The following XIRP2 variants were observed in gnomAD, a reference collection of about 807,000 sequenced individuals.
XIRP2 encodes xin actin-binding repeat-containing protein 2.
A neutral mutation model predicts 277.0 loss-of-function variants in XIRP2; 236 were observed. That is an observed-to-expected ratio of 0.85 (90% CI 0.77 to 0.95). XIRP2 has a LOEUF of 0.95. Among genes scored for constraint, XIRP2 ranks in the 40% least tolerant of loss-of-function variants. The pLI is 0.00. For synonymous variants in XIRP2, 1,490 were observed against 1,416.5 expected, an observed-to-expected ratio of 1.05 and a Z score of -1.17; for missense variants, 4,640 against 4,157.5, an observed-to-expected ratio of 1.12 and a Z score of -3.19.
chr2:167,060,520 G>A (rs1248802792), intron 2 of XIRP2, among the ~76,000 whole-genome samples: 1 of 151,946 alleles, frequency 6.6e-6, no homozygotes, highest in Non-Finnish European at 1.5e-5. Flanking sequence ...GGGGTTTTTT[G>A]TATATATAGT....
chr2:166,962,876 T>C (rs1686333176), intron 2 of XIRP2, among the ~76,000 whole-genome samples: 1 of 151,870 alleles, frequency 6.6e-6, no homozygotes, highest in African/African-American at 2.4e-5. Context: ...CCAGTTTTTT[T>C]CTTACATTTT....
At chr2:166,894,486 C>T (rs13384374) in intron 1 of XIRP2, among the ~76,000 whole-genome samples, 1 of 152,222 alleles carries the variant, frequency 6.6e-6, no homozygotes, top group East Asian at 1.9e-4. Flanking sequence ...GGCCACCTTC[C>T]TTAAAATCAC....
chr2:167,066,610 C>T (rs1574220773), intron 2 of XIRP2, among the ~76,000 whole-genome samples: 1 of 152,108 alleles, frequency 6.6e-6, no homozygotes, highest in Non-Finnish European at 1.5e-5. Context: ...ACTAGCAACC[C>T]CACTTCTACG....
chr2:166,960,548 C>T (rs569041195), intron 2 of XIRP2, among the ~76,000 whole-genome samples: 17 of 151,746 alleles, frequency 1.1e-4, no homozygotes, highest in African/African-American at 4.1e-4. Flanking sequence ...GTCTCTACAC[C>T]ACTCTTGAAA....
chr2:166,926,067 C>T (rs929641031), intron 2 of XIRP2, among the ~76,000 whole-genome samples: 3 of 151,840 alleles, frequency 2.0e-5, no homozygotes, highest in Admixed American at 6.6e-5. Context: ...GAGTGAGACC[C>T]TATCTCAAAA....
intron 2 of XIRP2, among the ~76,000 whole-genome samples, chr2:166,932,188 T>C (rs918441005): frequency 6.6e-6 from 1 of 151,910 alleles, no homozygotes; most frequent in Non-Finnish European, 1.5e-5. Flanking sequence ...GTTTGTGACT[T>C]ACATGTATAC....
In XIRP2 at chr2:166,916,030, C is replaced by G. The variant is rs1448768179; in HGVS notation, c.408+12140C>G. Among the ~76,000 whole-genome samples the G allele has an allele frequency of 7.2e-5, 11 of 152,222 alleles. No individual in the cohort carries two copies. In the East Asian group the frequency reaches 1.9e-3, roughly 27 times the overall value. ...AAGAAAAATGCTAAGGGACCATGAA[C>G]CTACATGTGCATCAATGATTAAATA... is the stretch of plus-strand genomic sequence containing the variant. On this transcript the variant is annotated intron_variant, in intron 2 of 10. Coordinates refer to ENST00000409195, the MANE Select transcript of XIRP2 (RefSeq NM_152381.6).
intron 3 of XIRP2, among the ~76,000 whole-genome samples, chr2:167,202,492 A>C (rs1693747878): frequency 6.6e-6 from 1 of 152,188 alleles, no homozygotes; most frequent in Admixed American, 6.5e-5. Context: ...TTATTCAGAG[A>C]GATTTGAATC....
intron 1 of XIRP2, among the ~76,000 whole-genome samples, chr2:166,898,534 G>A (rs1449887398): frequency 3.9e-5 from 6 of 152,130 alleles, no homozygotes; most frequent in African/African-American, 1.4e-4. Flanking sequence ...ATTGGACATA[G>A]CAAAGATAGT....
chr2:167,166,435 T>G (rs544827303), intron 3 of XIRP2, among the ~76,000 whole-genome samples: 1 of 152,212 alleles, frequency 6.6e-6, no homozygotes, highest in Non-Finnish European at 1.5e-5. Context: ...TATTGTGCTA[T>G]TTTTGCATAA....
intron 2 of XIRP2, chr2:167,124,544 G>A (rs1052043703): frequency 6.6e-6 from 1 of 152,142 alleles, no homozygotes; most frequent in Non-Finnish European, 1.5e-5. Context: ...TTCAAAGAAA[G>A]CAGTATGTTA....
At chr2:167,229,608 T>C (rs577727248) in intron 5 of XIRP2, among the ~76,000 whole-genome samples, 1 of 152,282 alleles carries the variant, frequency 6.6e-6, no homozygotes, top group African/African-American at 2.4e-5. Context: ...CTTCTGGGTC[T>C]GTATTTCTCA....
intron 2 of XIRP2, among the ~76,000 whole-genome samples, chr2:167,092,846 A>T (rs2105277193): frequency 6.6e-6 from 1 of 152,290 alleles, no homozygotes; most frequent in Non-Finnish European, 1.5e-5. Context: ...ATCCAGAAAA[A>T]GACAGCCCAC....
chr2:167,229,013 A>G (rs1694683249), intron 5 of XIRP2, among the ~76,000 whole-genome samples: 1 of 152,126 alleles, frequency 6.6e-6, no homozygotes, highest in South Asian at 2.1e-4. Flanking sequence ...TTCTCATCAC[A>G]AGGCCCTGAG....
rs80108746 is a variant in XIRP2, at chr2:167,150,693, G to A, written c.562+14631G>A. On this transcript the variant is annotated intron_variant, in intron 3 of 10. Coordinates refer to ENST00000409195, the MANE Select transcript of XIRP2 (RefSeq NM_152381.6). ...TTGTTGGTGTATTACTTGTATTATT[G>A]TCTAAAATAGGGGAAAACCCCTAAG... Among the ~76,000 whole-genome samples the A allele has an allele frequency of 5.2e-4, 79 of 151,988 alleles. No individual in the cohort carries two copies. The East Asian group carries it at 0.014, about 27-fold the overall frequency.
chr2:167,237,605 G>T (rs1694937729), intron 5 of XIRP2, among the ~76,000 whole-genome samples: 1 of 152,134 alleles, frequency 6.6e-6, no homozygotes, highest in African/African-American at 2.4e-5. Flanking sequence ...TATTTTTGTA[G>T]ATGTTACCTA....
intron 2 of XIRP2, among the ~76,000 whole-genome samples, chr2:166,994,477 T>TAAA (rs553849285): frequency 1.0e-5 from 1 of 97,694 alleles, no homozygotes; most frequent in African/African-American, 4.3e-5. Context: ...TAGAGTATAA[T>TAAA]AAAAAAAAAA....
chr2:166,948,164 T>C (rs187148992), intron 2 of XIRP2, among the ~76,000 whole-genome samples: 141 of 152,204 alleles, frequency 9.3e-4, no homozygotes, highest in African/African-American at 3.2e-3. Context: ...ACATGTCTGA[T>C]CCAGTAGAAT....
chr2:167,032,712 A>G (rs1231532349), intron 2 of XIRP2, among the ~76,000 whole-genome samples: 1 of 152,172 alleles, frequency 6.6e-6, no homozygotes, highest in Non-Finnish European at 1.5e-5. Context: ...CATCACTGAT[A>G]TTAGAGAAAT....
Sources: gnomAD v4.1 joint callset for allele counts (sites outside exome capture counted in the v4.1 genomes callset) on GRCh38, gnomAD v4.1.1 for gene constraint, MANE v1.5 for transcripts, NCBI Gene and HGNC (gene_info 2026-07-23, HGNC 2026-07-21) for gene names.